KIAA1671: variants seen among roughly 807,000 people sequenced by gnomAD.
KIAA1671 encodes KIAA1671.
In KIAA1671, 52 loss-of-function variants were observed where a neutral mutation model predicts 131.2. The observed-to-expected ratio is 0.40, with a 90% CI of 0.32 to 0.50. The LOEUF is 0.50. Ranked by LOEUF, KIAA1671 falls within the 20% of genes least tolerant of loss-of-function variation. KIAA1671 has a pLI of 0.73. For synonymous variants in KIAA1671, 1,003 were observed against 961.6 expected, an observed-to-expected ratio of 1.04 and a Z score of -0.80; for missense variants, 2,360 against 2,364.2, an observed-to-expected ratio of 1.00 and a Z score of 0.04.
At chr22:25,170,650 G>A (rs1302723233) in intron 6 of KIAA1671, among the ~76,000 whole-genome samples, 170 bp from the exon 7 acceptor site, 2 of 152,232 alleles carry the variant, frequency 1.3e-5, no homozygotes, top group African/African-American at 4.8e-5. Flanking sequence ...AAACCAGGAC[G>A]ATTGGTCACG....
chr22:25,068,432 G>A (rs182457212), intron 6 of KIAA1671, among the ~76,000 whole-genome samples: 1,590 of 151,580 alleles, frequency 0.01, 107 homozygotes, highest in Admixed American at 0.095. Flanking sequence ...CTTGTTTTTT[G>A]TTTTTTTGTT....
chr22:25,171,483 G>A (rs1193568537), intron 7 of KIAA1671, among the ~76,000 whole-genome samples: 4 of 152,108 alleles, frequency 2.6e-5, no homozygotes, highest in South Asian at 2.1e-4. Flanking sequence ...AAGCCCAGGC[G>A]GGCAGATCAC....
chr22:25,141,376 G>A (rs911148131), intron 6 of KIAA1671, among the ~76,000 whole-genome samples: 13 of 150,762 alleles, frequency 8.6e-5, no homozygotes, highest in African/African-American at 2.9e-4. Flanking sequence ...GGGACTACAG[G>A]CGCCTGCCAC....
At chr22:25,054,656 C>T (rs1927744406) in intron 6 of KIAA1671, 1 of 149,788 alleles carries the variant, frequency 6.7e-6, no homozygotes, top group Admixed American at 6.6e-5. Flanking sequence ...CGGAAGCTCC[C>T]TAATAGCTAC....
In KIAA1671 at chr22:25,112,083, T is replaced by C. The variant is rs1931389770; in HGVS notation, c.4531-58737T>C. The C allele has an allele frequency of 7.5e-6, 3 of 398,038 alleles. No homozygotes were observed. The East Asian group carries it at 1.1e-4, about 14-fold the overall frequency. 24.7% of individuals were successfully genotyped at this position (398,038 alleles called of 1,614,324 possible). A position where few individuals can be genotyped will look rare whatever the true frequency, so the allele number is the denominator to read the frequency against. ...CCTCCAAGCAAGCCCAAAACTTCCATGAGCAAAAGAGTCCAAAGAGGCAAG... is the reference window on the plus strand; with the variant it reads ...CCTCCAAGCAAGCCCAAAACTTCCACGAGCAAAAGAGTCCAAAGAGGCAAG... On this transcript the variant is annotated intron_variant, in intron 6 of 12. Transcript: ENST00000358431.
chr22:25,134,512 A>G (rs1246591114), intron 6 of KIAA1671, among the ~76,000 whole-genome samples: 1 of 152,242 alleles, frequency 6.6e-6, no homozygotes, highest in Admixed American at 6.5e-5. Context: ...TCAAAACAAA[A>G]TCATCTCCAC....
chr22:24,994,636 C>T (rs995210409), intron 1 of KIAA1671, among the ~76,000 whole-genome samples: 1 of 152,046 alleles, frequency 6.6e-6, no homozygotes. Flanking sequence ...AGAGGGCGAC[C>T]GTGGCTCAGG....
At chr22:25,015,772 T>C (rs536047952) in intron 1 of KIAA1671, among the ~76,000 whole-genome samples, 2 of 152,258 alleles carry the variant, frequency 1.3e-5, no homozygotes, top group African/African-American at 2.4e-5. Context: ...CAGGGGAAGT[T>C]TGGGGAAGGC....
At position 25,040,094 on chromosome 22, in the gene KIAA1671, A is replaced by G. The variant is rs1926830129; in HGVS notation, c.2964A>G (p.Arg988=). The G allele has an allele frequency of 4.5e-6, 7 of 1,551,596 alleles. No individual in the cohort carries two copies. The Admixed American group carries it at 1.2e-4, about 26-fold the overall frequency. Residue 988 remains arginine, a synonymous_variant, in exon 5 of 13, where the codon AGA becomes AGG. Coordinates refer to ENST00000358431, the MANE Select transcript of KIAA1671 (RefSeq NM_001145206.2). ...DYVSPTASAL[R]KPQLSHYRVE... is the part of the protein sequence containing the mutation. Reference sequence around the variant, plus strand: ...TGAGCCCCACAGCCAGTGCCTTAAGAAAACCTCAACTATCCCACTACAGGG... The same window carrying G: ...TGAGCCCCACAGCCAGTGCCTTAAGGAAACCTCAACTATCCCACTACAGGG...
At chr22:25,093,738 C>T (rs1601305039) in intron 6 of KIAA1671, among the ~76,000 whole-genome samples, 2 of 88,942 alleles carry the variant, frequency 2.2e-5, no homozygotes, top group African/African-American at 1.0e-4. Flanking sequence ...CACACACACA[C>T]TCTCTCTCTC....
At chr22:25,111,248 C>A (rs1170847316) in intron 6 of KIAA1671, among the ~76,000 whole-genome samples, 1 of 152,242 alleles carries the variant, frequency 6.6e-6, no homozygotes, top group Non-Finnish European at 1.5e-5. Flanking sequence ...AGAGTGCACA[C>A]ACATGCACAC....
chr22:24,985,444 A>C (rs911065280), intron 1 of KIAA1671, among the ~76,000 whole-genome samples: 1 of 151,082 alleles, frequency 6.6e-6, no homozygotes, highest in African/African-American at 2.4e-5. Context: ...GGTTCACGCC[A>C]TTCTCCTGCC....
At chr22:25,072,768 A>G (rs1214151144) in intron 6 of KIAA1671, among the ~76,000 whole-genome samples, 1 of 152,118 alleles carries the variant, frequency 6.6e-6, no homozygotes, top group Non-Finnish European at 1.5e-5. Context: ...TGAATTCTCT[A>G]GCTCATTTCT....
At position 25,093,724 on chromosome 22, in the gene KIAA1671, C is replaced by T. The variant is rs1930148080; in HGVS notation, c.4530+44360C>T. ...ACACACACACACACACACACACACA[C>T]ACACACACACACACTCTCTCTCTCT... On this transcript the variant is annotated intron_variant, in intron 6 of 12. Transcript: ENST00000358431. 4.9e-5 allele frequency among the ~76,000 whole-genome samples: 6 copies of T among 122,768 alleles called. 1 individual carries two copies. Among genetic ancestry groups the T allele is most frequent in the African/African-American group, 1.4e-4 (3 of 21,904 alleles). The allele number at this position is 122,768 out of a possible 152,430, so 80.5% of individuals were successfully genotyped here.
intron 6 of KIAA1671, among the ~76,000 whole-genome samples, chr22:25,094,880 C>T (rs772973192): frequency 1.3e-5 from 2 of 152,144 alleles, no homozygotes; most frequent in Non-Finnish European, 2.9e-5. Context: ...CCTCCTCCCT[C>T]CCTCTGATTC....
chr22:25,109,502 G>C (rs970337588), intron 6 of KIAA1671, among the ~76,000 whole-genome samples: 1 of 152,164 alleles, frequency 6.6e-6, no homozygotes, highest in Non-Finnish European at 1.5e-5. Context: ...TTCGTTGTGG[G>C]AGGGGACCAC....
rs1489076869 is a variant in KIAA1671 at position 25,038,774 on chromosome 22, C to T, written c.1644C>T (p.His548=). 7 of 1,536,860 alleles carry T rather than the reference C, an allele frequency of 4.6e-6. No individual in the cohort carries two copies. In the East Asian group the frequency reaches 1.7e-4, roughly 38 times the overall value. ...TTTCTTTCCAGCAAAAGGAGGGGCACAGTTTGGATGGAGCATGCATCCCGA... is the reference window on the plus strand; with the variant it reads ...TTTCTTTCCAGCAAAAGGAGGGGCATAGTTTGGATGGAGCATGCATCCCGA... ...KEPREKQKEG[H]SLDGACIPRS... Residue 548 remains histidine (H), a synonymous_variant, in exon 5 of 13, where the codon CAC becomes CAT. Transcript: ENST00000358431.
rs986357389 is a variant in KIAA1671, at chr22:24,999,281, C to A, written c.-207-26352C>A. Among the ~76,000 whole-genome samples the A allele has an allele frequency of 8.5e-5, 13 of 152,308 alleles. 1 individual carries two copies. The highest frequency in any genetic ancestry group is 2.9e-4 in the African/African-American group (12 of 41,582). ...ATAGGGTCTTGCTCTGTCACCTAGG[C>A]TGGAGTGCACTGGCGCAATCATGGT... On this transcript the variant is annotated intron_variant, in intron 1 of 12. Transcript: ENST00000358431.
At position 25,041,737 on chromosome 22, in the gene KIAA1671, CTTTGTTTGTTTA is replaced by C. The variant is rs372107178; in HGVS notation, c.4395+224_4395+235del. Among the ~76,000 whole-genome samples, 419 of 151,944 alleles carry C rather than the reference CTTTGTTTGTTTA, an allele frequency of 2.8e-3. 2 individuals are homozygous for C. Among genetic ancestry groups the C allele is most frequent in the African/African-American group, 9.6e-3 (399 of 41,394 alleles). ...AACTGCTGCTTGGTCCCACCTGGTT[CTTTGTTTGTTTA>C]TTTGTTTGTTTGAAACAAAGAGTCT... On this transcript the variant is annotated intron_variant, in intron 5 of 12. Coordinates refer to ENST00000358431, the MANE Select transcript of KIAA1671 (RefSeq NM_001145206.2).
Sources: gnomAD v4.1 joint callset for allele counts (sites outside exome capture counted in the v4.1 genomes callset) on GRCh38, gnomAD v4.1.1 for gene constraint, MANE v1.5 for transcripts, NCBI Gene and HGNC (gene_info 2026-07-23, HGNC 2026-07-21) for gene names.